The following XRCC4 variants were observed in gnomAD, a reference collection of about 807,000 sequenced individuals.
XRCC4 encodes the protein DNA repair protein XRCC4.
Under a neutral mutation model 39.1 loss-of-function variants are expected in XRCC4, and 28 were observed. The observed-to-expected ratio is 0.72, with a 90% CI of 0.53 to 0.98. The LOEUF is 0.98. Ranked by LOEUF, XRCC4 falls within the 50% of genes least tolerant of loss-of-function variation. XRCC4 has a pLI of 0.00. For synonymous variants in XRCC4, 123 were observed against 126.4 expected, an observed-to-expected ratio of 0.97 and a Z score of 0.18; for missense variants, 350 against 376.4, an observed-to-expected ratio of 0.93 and a Z score of 0.58.
chr5:83,314,332 C>T (rs1039831123), intron 7 of XRCC4, among the ~76,000 whole-genome samples: 1 of 152,044 alleles, frequency 6.6e-6, no homozygotes, highest in Non-Finnish European at 1.5e-5. Context: ...CATTTGGTTG[C>T]ACAAGGAAAC....
intron 6 of XRCC4, among the ~76,000 whole-genome samples, chr5:83,220,327 A>C (rs1338790073): frequency 6.6e-6 from 1 of 152,154 alleles, no homozygotes; most frequent in Non-Finnish European, 1.5e-5. Flanking sequence ...TTAAATGTCT[A>C]TAATATAATA....
rs1005028789 is a variant in XRCC4 at position 83,148,575 on chromosome 5, T to C, written c.315+37372T>C. ...TGTAATTCTGAGTTTGTGAACCAGATATGACATCATTCACTATCCATTTAT... is the reference window on the plus strand; with the variant it reads ...TGTAATTCTGAGTTTGTGAACCAGACATGACATCATTCACTATCCATTTAT... On this transcript the variant is annotated intron_variant, in intron 3 of 7. Transcript: ENST00000396027. Among the ~76,000 whole-genome samples, 54 of 152,328 alleles carry C rather than the reference T, an allele frequency of 3.5e-4. 1 individual carries two copies. Among genetic ancestry groups the C allele is most frequent in the Admixed American group, 3.1e-3 (48 of 15,310 alleles).
At chr5:83,299,023 AT>A (rs1415675817) in intron 7 of XRCC4, among the ~76,000 whole-genome samples, 3 of 151,590 alleles carry the variant, frequency 2.0e-5, no homozygotes, top group African/African-American at 7.3e-5. Context: ...TATAGCTTTC[AT>A]TTTTTTTCTC....
chr5:83,143,745 T>C (rs1249709236), intron 3 of XRCC4, among the ~76,000 whole-genome samples: 2 of 152,152 alleles, frequency 1.3e-5, no homozygotes, highest in African/African-American at 4.8e-5. Flanking sequence ...TTCAATGTGT[T>C]GTTTTGTTTT....
chr5:83,189,034 C>T (rs1750578063), intron 3 of XRCC4, among the ~76,000 whole-genome samples: 1 of 152,192 alleles, frequency 6.6e-6, no homozygotes, highest in Non-Finnish European at 1.5e-5. Flanking sequence ...CCTGCCCTCT[C>T]CCTCTGACCA....
chr5:83,255,454 CTG>C (rs1407916483), intron 6 of XRCC4, among the ~76,000 whole-genome samples: 1 of 152,102 alleles, frequency 6.6e-6, no homozygotes, highest in Admixed American at 6.5e-5. Flanking sequence ...AAAGGTTAAA[CTG>C]TAATTATCAA....
intron 3 of XRCC4, among the ~76,000 whole-genome samples, chr5:83,162,108 A>G (rs1428313746): frequency 1.3e-5 from 2 of 152,218 alleles, no homozygotes; most frequent in Non-Finnish European, 2.9e-5. Flanking sequence ...CAGAGCTTGC[A>G]GTGAGTGGAG....
intron 7 of XRCC4, among the ~76,000 whole-genome samples, chr5:83,277,725 GTT>G (rs1754384538): frequency 5.3e-5 from 8 of 152,250 alleles, no homozygotes; most frequent in Admixed American, 5.2e-4. Context: ...ATAAACCATT[GTT>G]TAGCTACCTT....
At chr5:83,363,990 G>T in the XRCC4 span, among the ~76,000 whole-genome samples, 1 of 152,152 alleles carries the variant, frequency 6.6e-6, no homozygotes, top group Non-Finnish European at 1.5e-5. Flanking sequence ...TTGTACAAAG[G>T]TACCAGATCT....
intron 3 of XRCC4, among the ~76,000 whole-genome samples, chr5:83,171,549 T>G (rs1749725378): frequency 6.6e-6 from 1 of 152,078 alleles, no homozygotes; most frequent in Non-Finnish European, 1.5e-5. Flanking sequence ...GGCACACAAT[T>G]CCAAAAGATA....
At chr5:83,160,458 G>A (rs924701404) in intron 3 of XRCC4, among the ~76,000 whole-genome samples, 3 of 152,190 alleles carry the variant, frequency 2.0e-5, no homozygotes, top group East Asian at 3.9e-4. Context: ...TATTTTTCTT[G>A]AAATGTTCTA....
intron 6 of XRCC4, among the ~76,000 whole-genome samples, chr5:83,244,336 A>G (rs1448379748): frequency 3.3e-5 from 5 of 152,136 alleles, no homozygotes; most frequent in Non-Finnish European, 5.9e-5. Context: ...AATTTACTGG[A>G]AAGTCAGCTT....
intron 1 of XRCC4, among the ~76,000 whole-genome samples, chr5:83,088,019 TG>T (rs1278403804): frequency 3.9e-5 from 6 of 152,322 alleles, no homozygotes; most frequent in Admixed American, 1.3e-4. Flanking sequence ...TCGTTGCTAC[TG>T]GTGAATCTAC....
intron 3 of XRCC4, among the ~76,000 whole-genome samples, chr5:83,125,613 A>G (rs1425173452): frequency 2.0e-5 from 3 of 152,152 alleles, no homozygotes; most frequent in Non-Finnish European, 4.4e-5. Flanking sequence ...TGTATTTTCT[A>G]TGCTGCCTCA....
chr5:83,283,871 A>G (rs567847982), intron 7 of XRCC4, among the ~76,000 whole-genome samples: 4 of 152,032 alleles, frequency 2.6e-5, no homozygotes, highest in Non-Finnish European at 5.9e-5. Flanking sequence ...CTACATATGT[A>G]TGTGTGTCAG....
chr5:83,268,745 CTGTTA>C, intron 7 of XRCC4, among the ~76,000 whole-genome samples: 1 of 152,206 alleles, frequency 6.6e-6, no homozygotes, highest in Middle Eastern at 3.4e-3. Context: ...CTGACACATT[CTGTTA>C]TGGATGTAGT....
intron 7 of XRCC4, among the ~76,000 whole-genome samples, chr5:83,291,951 C>CTCTGTGTGTGTGTG (rs1554072284): frequency 2.1e-5 from 3 of 144,026 alleles, no homozygotes; most frequent in African/African-American, 7.5e-5. Context: ...ATGTGTATTT[C>CTCTGTGTGTGTGTG]TGTGTGTGTG....
At chr5:83,265,121 G>T (rs111638100) in intron 7 of XRCC4, among the ~76,000 whole-genome samples, 11 of 152,060 alleles carry the variant, frequency 7.2e-5, no homozygotes, top group Non-Finnish European at 1.5e-5. Context: ...AAAATTGCTA[G>T]CAATGTATTC....
At chr5:83,203,252 A>T (rs1751283865) in intron 4 of XRCC4, among the ~76,000 whole-genome samples, 1 of 152,190 alleles carries the variant, frequency 6.6e-6, no homozygotes, top group South Asian at 2.1e-4. Flanking sequence ...CCATAAAAAC[A>T]TTCTTTTGTA....
Sources: allele counts gnomAD v4.1 joint callset (sites outside exome capture counted in the v4.1 genomes callset), GRCh38; gene constraint gnomAD v4.1.1; transcripts MANE v1.5; gene names NCBI Gene and HGNC (gene_info 2026-07-23, HGNC 2026-07-21).